AMOTL1: variants seen among roughly 807,000 people sequenced by gnomAD.
The protein encoded by AMOTL1 is angiomotin like 1.
AMOTL1 carries 45 observed loss-of-function variants against 102.9 expected under a neutral mutation model. The observed-to-expected ratio is 0.44, with a 90% CI of 0.34 to 0.56. The LOEUF is 0.56. Among genes scored for constraint, AMOTL1 ranks in the 20% least tolerant of loss-of-function variants. The pLI is 0.01. For missense variants in AMOTL1, 1,114 were observed against 1,225.6 expected, an observed-to-expected ratio of 0.91 and a Z score of 1.36; for synonymous variants, 481 against 484.7, an observed-to-expected ratio of 0.99 and a Z score of 0.10.
upstream of AMOTL1, among the ~76,000 whole-genome samples, chr11:94,765,063 G>T (rs1038710493): frequency 2.0e-5 from 3 of 152,254 alleles, no homozygotes; most frequent in South Asian, 6.2e-4. Flanking sequence ...GAACAGCTTG[G>T]TATCACTGGA....
At chr11:94,766,989 G>T (rs1395144176), upstream of AMOTL1, among the ~76,000 whole-genome samples, 1 of 151,970 alleles carries the variant, frequency 6.6e-6, no homozygotes, top group Non-Finnish European at 1.5e-5. Context: ...GCCTCTGCTT[G>T]CCCAGTGCTG....
At chr11:94,862,270 T>C (rs988973594) in intron 9 of AMOTL1, among the ~76,000 whole-genome samples, 1 of 152,234 alleles carries the variant, frequency 6.6e-6, no homozygotes, top group Non-Finnish European at 1.5e-5. Context: ...AGAAAACCTC[T>C]GTCATTTCAG....
At chr11:94,842,816 T>C (rs1362623571) in intron 6 of AMOTL1, among the ~76,000 whole-genome samples, 1 of 152,208 alleles carries the variant, frequency 6.6e-6, no homozygotes, top group Admixed American at 6.5e-5. Context: ...TTGGCCCCAA[T>C]GTCCCTTCTC....
intron 6 of AMOTL1, among the ~76,000 whole-genome samples, chr11:94,841,342 T>G (rs1405163081): frequency 6.6e-6 from 1 of 152,006 alleles, no homozygotes; most frequent in Non-Finnish European, 1.5e-5. Flanking sequence ...ATCCCAGCTA[T>G]TCTGGAGGCT....
chr11:94,816,931 C>G (rs998921231), intron 3 of AMOTL1, among the ~76,000 whole-genome samples: 4 of 152,134 alleles, frequency 2.6e-5, no homozygotes, highest in African/African-American at 9.7e-5. Flanking sequence ...TTCAGTTTCT[C>G]TATAAAGTAA....
At chr11:94,849,095 T>G (rs1952479093) in intron 6 of AMOTL1, among the ~76,000 whole-genome samples, 1 of 152,198 alleles carries the variant, frequency 6.6e-6, no homozygotes, top group African/African-American at 2.4e-5. Flanking sequence ...TGTCATTCTA[T>G]GCCTCATTTT....
intron 4 of AMOTL1, among the ~76,000 whole-genome samples, chr11:94,827,872 C>T (rs1256691597): frequency 1.3e-5 from 2 of 152,190 alleles, no homozygotes; most frequent in East Asian, 3.9e-4. Context: ...CTTCTAGGCT[C>T]CTACGGCTCC....
chr11:94,787,179 G>A (rs1951203548), intron 1 of AMOTL1, among the ~76,000 whole-genome samples: 1 of 152,128 alleles, frequency 6.6e-6, no homozygotes, highest in African/African-American at 2.4e-5. Flanking sequence ...CTCCCTGGAG[G>A]AAGTGGCACT....
intron 6 of AMOTL1, among the ~76,000 whole-genome samples, chr11:94,836,403 A>G (rs531259139): frequency 2.6e-5 from 4 of 152,252 alleles, no homozygotes; most frequent in African/African-American, 9.6e-5. Context: ...TGCATCCTGT[A>G]AGGTCATGAT....
At chr11:94,708,809 A>C (rs143084496) in intron 1 of AMOTL1, among the ~76,000 whole-genome samples, 157 of 152,332 alleles carry the variant, frequency 1.0e-3, no homozygotes, top group African/African-American at 3.6e-3. Context: ...ATAAACGTCT[A>C]TAAAGCAAGC....
intron 3 of AMOTL1, among the ~76,000 whole-genome samples, chr11:94,810,793 CAA>C (rs36132484): frequency 1.5e-5 from 2 of 132,406 alleles, no homozygotes; most frequent in Non-Finnish European, 3.3e-5. Flanking sequence ...AACTTTTTCT[CAA>C]AAAAAAAAGA....
intron 3 of AMOTL1, chr11:94,741,023 C>T (rs1430867813): frequency 7.8e-7 from 1 of 1,286,468 alleles, no homozygotes; most frequent in Non-Finnish European, 1.0e-6. Context: ...ATTTCTTGGT[C>T]GCAATTCTGC....
chr11:94,829,885 G>T (rs1237171891), intron 4 of AMOTL1, among the ~76,000 whole-genome samples, 165 bp from the exon 5 acceptor site: 1 of 152,212 alleles, frequency 6.6e-6, no homozygotes, highest in African/African-American at 2.4e-5. Context: ...GAGAGCAGGT[G>T]GGGGAGTGAA....
rs1565387320 is a variant in AMOTL1 at position 94,864,741 on chromosome 11, C to T, written c.2142C>T (p.Thr714=). 1 of 1,613,194 alleles carries T rather than the reference C, an allele frequency of 6.2e-7. No individual in the cohort carries two copies. Among genetic ancestry groups the T allele is most frequent in the African/African-American group, 1.3e-5 (1 of 75,010 alleles). Residue 714 remains threonine (T), a synonymous_variant, in exon 10 of 13, where the codon ACC becomes ACT. Transcript: ENST00000433060. ...AAATAAAERD[T]TIINHSRNGS... ...CATATCCTTGTGTTGCCAGGGACACCACGATCATCAACCACTCACGGAATG... is the reference window on the plus strand; with the variant it reads ...CATATCCTTGTGTTGCCAGGGACACTACGATCATCAACCACTCACGGAATG...
Position 94,872,656 on chromosome 11 carries a change from C to T in AMOTL1, c.*1861C>T, listed in dbSNP as rs1953022029. On this transcript the variant is annotated 3_prime_UTR_variant, in exon 13 of 13. Coordinates refer to ENST00000433060, the MANE Select transcript of AMOTL1 (RefSeq NM_130847.3). ...ACTGGCCCTCTGGGGCTCTGCTTGGCCATAGGCACTGCACATTGTGCCACC... is the reference window on the plus strand; with the variant it reads ...ACTGGCCCTCTGGGGCTCTGCTTGGTCATAGGCACTGCACATTGTGCCACC... 1 of 152,288 alleles carries T rather than the reference C, an allele frequency of 6.6e-6. No homozygotes were observed. Among genetic ancestry groups the T allele is most frequent in the Non-Finnish European group, 1.5e-5 (1 of 68,128 alleles). The allele number at this position is 152,288 out of a possible 1,614,324, so 9.4% of individuals were successfully genotyped here.
Position 94,869,145 on chromosome 11 carries a change from AAAAAAAAAAAAAG to A in AMOTL1, c.2489-52_2489-40del, listed in dbSNP as rs1952942181. On this transcript the variant is annotated intron_variant, in intron 11 of 12. Transcript: ENST00000433060. ...GGAACAGATCTGCAAGACTAGATTT[AAAAAAAAAAAAAG>A]GAAAAAAAGAATGTTGAAAAATCTG... 16 of 240,744 alleles carry A rather than the reference AAAAAAAAAAAAAG, an allele frequency of 6.6e-5. No individual in the cohort carries two copies. The South Asian group carries it at 1.7e-3, about 25-fold the overall frequency. The allele number at this position is 240,744 out of a possible 1,614,324, so 14.9% of individuals were successfully genotyped here.
upstream of AMOTL1, among the ~76,000 whole-genome samples, chr11:94,763,913 A>T (rs188541827): frequency 1.6e-4 from 24 of 152,324 alleles, no homozygotes; most frequent in African/African-American, 5.8e-4. Flanking sequence ...GAACTGAAAG[A>T]AAAGGTTGGA....
intron 1 of AMOTL1, among the ~76,000 whole-genome samples, chr11:94,771,469 T>G (rs2135516960): frequency 6.6e-6 from 1 of 152,232 alleles, no homozygotes; most frequent in East Asian, 1.9e-4. Context: ...ATTACAAGGT[T>G]TGTTGGAAAT....
chr11:94,781,346 G>A (rs913592530), intron 1 of AMOTL1, among the ~76,000 whole-genome samples: 6 of 152,234 alleles, frequency 3.9e-5, no homozygotes, highest in African/African-American at 1.4e-4. Context: ...AGGGGCCATG[G>A]CCATCTTCCT....
Sources: allele counts gnomAD v4.1 joint callset (sites outside exome capture counted in the v4.1 genomes callset), GRCh38; gene constraint gnomAD v4.1.1; transcripts MANE v1.5; gene names NCBI Gene and HGNC (gene_info 2026-07-23, HGNC 2026-07-21).